LMTK3: variants seen among roughly 807,000 people sequenced by gnomAD.
LMTK3 encodes serine/threonine-protein kinase LMTK3.
LMTK3 carries 27 observed loss-of-function variants against 116.7 expected under a neutral mutation model. The observed-to-expected ratio is 0.23, with a 90% confidence interval of 0.17 to 0.32. The LOEUF is 0.32. Ranked by LOEUF, LMTK3 falls within the 10% of genes least tolerant of loss-of-function variation. The pLI is 1.00. For synonymous variants in LMTK3, 965 were observed against 971.0 expected (o/e 0.99, Z 0.11); for missense variants, 1,764 against 2,068.5 (o/e 0.85, Z 2.86).
intron 12 of LMTK3, among the ~76,000 whole-genome samples, chr19:48,493,221 C>T (rs1972256277): frequency 6.7e-6 from 1 of 149,344 alleles, no homozygotes; most frequent in East Asian, 2.0e-4. Flanking sequence ...AGCCTGCCTT[C>T]AAACCCTGCT....
In LMTK3 at chr19:48,501,296, C is replaced by T; in HGVS notation, c.988G>A (p.Glu330Lys). The T allele has an allele frequency of 6.2e-7, 1 of 1,613,540 alleles. No homozygotes were observed. Among genetic ancestry groups the T allele is most frequent in the Non-Finnish European group, 8.5e-7 (1 of 1,179,740 alleles). The change falls in exon 9 of 15, where the codon GAG becomes AAG. Residue 330 changes from glutamate to lysine, a missense_variant. Glu to Lys is a moderately conservative substitution (Grantham distance 56). Coordinates refer to ENST00000600059, the MANE Select transcript of LMTK3 (RefSeq NM_001388485.1). ...CGTGGTCCTCACCAGATGTTGCTCT[C>T]GCGGCTCTGGTCCACCACCATGAAG... ...GTFMVVDQSR[E>K]SNIWSLGVTL...
chr19:48,502,446 T>G lies in LMTK3; in HGVS notation c.781A>C (p.Asn261His). Residue 261 changes from asparagine (N) to histidine (H), a missense_variant, in exon 7 of 15, where the codon AAC (asparagine) becomes CAC (histidine). Physicochemically the swap from Asn to His is moderately conservative, Grantham distance 68 (BLOSUM62 1). Transcript: ENST00000600059. ...ARGLAHLHSH[N>H]YVHSDLALRN... is the part of the protein sequence containing the mutation. ...CGGCCCGCCCACCTGTGCACGTAGT[T>G]GTGGGAATGCAGGTGCGCCAGCCCG... 6.2e-7 allele frequency: 1 copy of G among 1,610,584 alleles called. No individual in the cohort carries two copies.
upstream of LMTK3, among the ~76,000 whole-genome samples, chr19:48,512,767 G>T (rs1972682468): frequency 6.6e-6 from 1 of 152,076 alleles, no homozygotes; most frequent in African/African-American, 2.4e-5. Flanking sequence ...ATGCATGCGG[G>T]CACACACAAC....
chr19:48,494,686 C>T lies in LMTK3; in HGVS notation c.3677-577G>A, dbSNP rs1972294601. Among the ~76,000 whole-genome samples, 1 of 152,188 alleles carries T rather than the reference C, an allele frequency of 6.6e-6. No individual in the cohort carries two copies. The highest frequency in any genetic ancestry group is 1.5e-5 in the Non-Finnish European group (1 of 68,042). ...TGGCAAATGAACAAGGGTCACTTAG[C>T]CCTCCATTACTGCATAAGTGAACTG... On this transcript the variant is annotated intron_variant, in intron 11 of 14. Coordinates refer to ENST00000600059, the MANE Select transcript of LMTK3 (RefSeq NM_001388485.1). The surrounding 1 kb of genome is among the most constrained non-coding windows in gnomAD (Gnocchi z 4.0).
In LMTK3 at chr19:48,499,620, C is replaced by T; in HGVS notation, c.1449G>A (p.Lys483=). The change falls in exon 11 of 15, where the codon AAG becomes AAA. Residue 483 remains lysine (K), a synonymous_variant. Transcript: ENST00000600059. ...RGLNLECLWE[K]ARRGAGRGGG... ...CACCCCGGCCGGCCCCACGCCGGGC[C>T]TTCTCCCACAGGCACTCGAGGTTGA... is the stretch of plus-strand genomic sequence containing the variant. 6.5e-7 allele frequency: 1 copy of T among 1,542,304 alleles called. No homozygotes were observed. The highest frequency in any genetic ancestry group is 1.4e-5 in the African/African-American group (1 of 72,194).
intron 5 of LMTK3, among the ~76,000 whole-genome samples, chr19:48,504,257 G>A (rs762597503): frequency 6.6e-6 from 1 of 152,046 alleles, no homozygotes; most frequent in Non-Finnish European, 1.5e-5. Flanking sequence ...TCATCTCCCC[G>A]GGAAGCTTTG....
intron 11 of LMTK3, among the ~76,000 whole-genome samples, chr19:48,496,075 G>A (rs1972316920): frequency 6.6e-6 from 1 of 152,076 alleles, no homozygotes; most frequent in Non-Finnish European, 1.5e-5. Flanking sequence ...TTAGCTTACT[G>A]GAAAGTTGTT....
chr19:48,498,816 G>T lies in LMTK3; in HGVS notation c.2253C>A (p.Pro751=). 4 of 1,232,104 alleles carry T rather than the reference G, an allele frequency of 3.2e-6. No homozygotes were observed. Among genetic ancestry groups the T allele is most frequent in the Non-Finnish European group, 4.2e-6 (4 of 955,178 alleles). The allele number at this position is 1,232,104 out of a possible 1,614,324, so 76.3% of individuals were successfully genotyped here. The part of the protein sequence containing the change: ...APQYPGRGPP[P]APPPPPPPPR... ...GAGGTGGCGGCGGGGGGGGGGGAGC[G>T]GGAGGTGGCCCCCGCCCGGGGTACT... The change falls in exon 11 of 15, where the codon CCC becomes CCA. Residue 751 remains proline, a synonymous_variant. Coordinates refer to ENST00000600059, the MANE Select transcript of LMTK3 (RefSeq NM_001388485.1).
rs1972660431 is a variant in LMTK3, at chr19:48,511,522, G to T, written c.55C>A (p.Leu19Met). Residue 19 changes from leucine to methionine, a missense_variant, in exon 1 of 15, where the codon CTG (leucine) becomes ATG (methionine). By Grantham distance (15) the Leu-to-Met change is conservative. This residue lies in a region of LMTK3 where 66 missense variants were observed against 61.1 expected (regional missense o/e 1.08). Coordinates refer to ENST00000600059, the MANE Select transcript of LMTK3 (RefSeq NM_001388485.1). Reference protein sequence around the residue: ...LLAAVSASGCLASPAHPDGFA... With the variant: ...LLAAVSASGCMASPAHPDGFA... Reference sequence around the variant, plus strand: ...TCACCGGGGTGGGCCGGGGACGCCAGGCAGCCGGAGGCGGAGACGGCCGCA... The same window carrying T: ...TCACCGGGGTGGGCCGGGGACGCCATGCAGCCGGAGGCGGAGACGGCCGCA... 9 of 1,408,980 alleles carry T rather than the reference G, an allele frequency of 6.4e-6. No individual in the cohort carries two copies. The highest frequency in any genetic ancestry group is 8.4e-6 in the Non-Finnish European group (9 of 1,068,236). 87.3% of individuals were successfully genotyped at this position (1,408,980 alleles called of 1,614,324 possible).
Position 48,511,486 on chromosome 19 carries a change from G to T in LMTK3, c.76+15C>A. 1 of 1,324,670 alleles carries T rather than the reference G, an allele frequency of 7.5e-7. No homozygotes were observed. Among genetic ancestry groups the T allele is most frequent in the East Asian group, 3.0e-5 (1 of 33,642 alleles). 82.1% of individuals were successfully genotyped at this position (1,324,670 alleles called of 1,614,324 possible). A position where few individuals can be genotyped will look rare whatever the true frequency, so the allele number is the denominator to read the frequency against. On this transcript the variant is annotated intron_variant, in intron 1 of 14. Coordinates refer to ENST00000600059, the MANE Select transcript of LMTK3 (RefSeq NM_001388485.1). Reference sequence around the variant, plus strand: ...GTGGGGGCCACCGGACAGACTGATGGCCCGACAGACTCACCGGGGTGGGCC... The same window carrying T: ...GTGGGGGCCACCGGACAGACTGATGTCCCGACAGACTCACCGGGGTGGGCC...
intron 1 of LMTK3, 123 bp from the exon 2 acceptor site, chr19:48,510,715 T>G: frequency 8.5e-7 from 1 of 1,171,766 alleles, no homozygotes; most frequent in South Asian, 1.8e-5. Flanking sequence ...CAGGGTCCCT[T>G]GGCAGAGGTG....
Position 48,485,521 on chromosome 19 carries a change from G to A in LMTK3, c.*252C>T, listed in dbSNP as rs1335848277. 1.9e-6 allele frequency: 1 copy of A among 537,892 alleles called. No homozygotes were observed. Among genetic ancestry groups the A allele is most frequent in the Non-Finnish European group, 3.3e-6 (1 of 299,388 alleles). The allele number at this position is 537,892 out of a possible 1,614,324, so 33.3% of individuals were successfully genotyped here. A position where few individuals can be genotyped will look rare whatever the true frequency, so the allele number is the denominator to read the frequency against. Reference sequence around the variant, plus strand: ...CCGAGAAAGGCGGCTCTCTATGGAGGGGCGGGGGGATTCCTGCCTCATTTG... The same window carrying A: ...CCGAGAAAGGCGGCTCTCTATGGAGAGGCGGGGGGATTCCTGCCTCATTTG... On this transcript the variant is annotated 3_prime_UTR_variant, in exon 15 of 15. Coordinates refer to ENST00000600059, the MANE Select transcript of LMTK3 (RefSeq NM_001388485.1).
chr19:48,509,987 A>G, intron 3 of LMTK3, 36 bp downstream of exon 3: 1 of 1,607,684 alleles, frequency 6.2e-7, no homozygotes. Flanking sequence ...CTTTCCCGGG[A>G]CACCATGGGA....
chr19:48,498,938 G>A lies in LMTK3; in HGVS notation c.2131C>T (p.Arg711Trp). The A allele has an allele frequency of 7.8e-7, 1 of 1,289,500 alleles. No homozygotes were observed. The allele number at this position is 1,289,500 out of a possible 1,614,324, so 79.9% of individuals were successfully genotyped here. Residue 711 changes from arginine to tryptophan, a missense_variant, in exon 11 of 15, where the codon CGG becomes TGG. Arg to Trp is a moderately radical substitution (Grantham distance 101). Coordinates refer to ENST00000600059, the MANE Select transcript of LMTK3 (RefSeq NM_001388485.1). Reference sequence around the variant, plus strand: ...TCGGCCAGGGAGCCCCGCTCTGCCCGCAGCGAGGAGTCGTCCTCGGGGGGG... The same window carrying A: ...TCGGCCAGGGAGCCCCGCTCTGCCCACAGCGAGGAGTCGTCCTCGGGGGGG... ...PHPPEDDSSL[R>W]AERGSLADLP...
rs1027862562 is a variant in LMTK3, at chr19:48,485,710, C to A, written c.*63G>T. The A allele has an allele frequency of 1.1e-4, 175 of 1,574,386 alleles. No homozygotes were observed. The highest frequency in any genetic ancestry group is 1.5e-4 in the Non-Finnish European group (170 of 1,154,326). ...GCGGTGGTGGCAGTGGCGCCGTCAT[C>A]CACAGAGGATTCCATTCTCAACCCC... On this transcript the variant is annotated 3_prime_UTR_variant, in exon 15 of 15. Transcript: ENST00000600059.
rs1299652707 is a variant in LMTK3, at chr19:48,493,877, G to T, written c.3909C>A (p.Pro1303=). The T allele has an allele frequency of 8.8e-7, 1 of 1,131,498 alleles. No individual in the cohort carries two copies. The highest frequency in any genetic ancestry group is 4.2e-5 in the South Asian group (1 of 23,554). The allele number at this position is 1,131,498 out of a possible 1,614,324, so 70.1% of individuals were successfully genotyped here. A position where few individuals can be genotyped will look rare whatever the true frequency, so the allele number is the denominator to read the frequency against. The part of the protein sequence containing the change: ...APGAAAGPRG[P]GRARAAPVPV... Reference sequence around the variant, plus strand: ...GCACCGGGGCTGCTCGCGCCCTCCCGGGGCCCCGCGGCCCCGCCGCCGCGC... The same window carrying T: ...GCACCGGGGCTGCTCGCGCCCTCCCTGGGCCCCGCGGCCCCGCCGCCGCGC... The change falls in exon 12 of 15, where the codon CCC becomes CCA. Residue 1303 remains proline (P), a synonymous_variant. Transcript: ENST00000600059.
Position 48,491,465 on chromosome 19 carries a change from G to C in LMTK3, c.4167C>G (p.Pro1389=). The change falls in exon 13 of 15, where the codon CCC becomes CCG. Residue 1389 remains proline, a synonymous_variant. Transcript: ENST00000600059. This position sits in a 1 kb window ranked among gnomAD's most constrained non-coding sequence, Gnocchi z 5.1. The part of the protein sequence containing the change: ...GDTDPSTPPA[P]PTPPHPATPG... The stretch of plus-strand genomic sequence containing the variant: ...GGGTGGCGGGGTGGGGAGGTGTCGG[G>C]GGCGCTGGAGGCGTTGACGGGTCCG... 7.0e-7 allele frequency: 1 copy of C among 1,418,870 alleles called. No individual in the cohort carries two copies. Among genetic ancestry groups the C allele is most frequent in the Non-Finnish European group, 9.2e-7 (1 of 1,087,730 alleles). 87.9% of individuals were successfully genotyped at this position (1,418,870 alleles called of 1,614,324 possible). A position where few individuals can be genotyped will look rare whatever the true frequency, so the allele number is the denominator to read the frequency against.
intron 5 of LMTK3, among the ~76,000 whole-genome samples, chr19:48,503,815 TTTCCTTCCTTGCTTCCTCCCTCCCTTCC>T (rs1158754260): frequency 6.6e-6 from 1 of 151,834 alleles, no homozygotes; most frequent in Non-Finnish European, 1.5e-5. Context: ...CTCTCTTTTT[TTTCCTTCCTTGCTTCCTCCCTCCCTTCC>T]TTCCTTCCTT....
At chr19:48,513,091 C>T, upstream of LMTK3, 2 of 1,517,368 alleles carry the variant, frequency 1.3e-6, no homozygotes, top group East Asian at 4.7e-5. This position sits in a 1 kb window ranked among gnomAD's most constrained non-coding sequence, Gnocchi z 5.6. Flanking sequence ...CACACACCCA[C>T]AACACAGACA....
Sources: gnomAD v4.1 joint callset for allele counts (sites outside exome capture counted in the v4.1 genomes callset) on GRCh38, gnomAD v4.1.1 for gene constraint, gnomAD v4.1.1 regional missense constraint, Gnocchi (gnomAD v3.1) non-coding constraint, MANE v1.5 for transcripts, NCBI Gene and HGNC (gene_info 2026-07-23, HGNC 2026-07-21) for gene names.